Variants in RAP1GAP2 observed in about 807,000 individuals in gnomAD.
RAP1GAP2 encodes RAP1 GTPase activating protein 2.
A neutral mutation model predicts 95.0 loss-of-function variants in RAP1GAP2; 27 were observed. That is an observed-to-expected ratio of 0.28 (90% CI 0.21 to 0.39). The LOEUF is 0.39. RAP1GAP2 is among the 10% of genes least tolerant of loss of function. The pLI is 1.00. For synonymous variants in RAP1GAP2, 373 were observed against 380.9 expected (o/e 0.98, Z 0.24); for missense variants, 771 against 970.0 (o/e 0.79, Z 2.72).
At chr17:3,001,395 A>G (rs560104799) in intron 14 of RAP1GAP2, among the ~76,000 whole-genome samples, 9 of 125,400 alleles carry the variant, frequency 7.2e-5, no homozygotes, top group Admixed American at 7.1e-4. Flanking sequence ...AGGTAACAGA[A>G]TCAGCCTCAG....
In RAP1GAP2 at chr17:3,005,947, T is replaced by C. The variant is rs1175286553; in HGVS notation, c.1273-8T>C. ...TGACAGACCTGAGGTCCGTCTTGTCTCTTCCAGGGCCCGGAATTCAGGGAG... is the reference window on the plus strand; with the variant it reads ...TGACAGACCTGAGGTCCGTCTTGTCCCTTCCAGGGCCCGGAATTCAGGGAG... On this transcript the variant is annotated splice_region_variant and splice_polypyrimidine_tract_variant and intron_variant, in intron 15 of 24. Coordinates refer to ENST00000254695, the MANE Select transcript of RAP1GAP2 (RefSeq NM_015085.5). The surrounding 1 kb of genome is among the most constrained non-coding windows in gnomAD (Gnocchi z 5.2). The C allele has an allele frequency of 1.2e-6, 2 of 1,613,250 alleles. No individual in the cohort carries two copies.
At chr17:2,949,207 C>T (rs1375572640) in intron 3 of RAP1GAP2, among the ~76,000 whole-genome samples, 1 of 152,160 alleles carries the variant, frequency 6.6e-6, no homozygotes, top group Non-Finnish European at 1.5e-5. Context: ...TGCTGGCCGC[C>T]CCTCTGATTT....
chr17:2,948,069 G>A (rs1197682109), intron 3 of RAP1GAP2, among the ~76,000 whole-genome samples: 2 of 152,150 alleles, frequency 1.3e-5, no homozygotes, highest in Non-Finnish European at 2.9e-5. Flanking sequence ...CGGGAATAAC[G>A]AGGCGATTGC....
At position 2,870,119 on chromosome 17, in the gene RAP1GAP2, CTTT is replaced by C. The variant is rs1218487336; in HGVS notation, c.81-35152_81-35150del. On this transcript the variant is annotated intron_variant, in intron 2 of 24. Transcript: ENST00000254695. The surrounding 1 kb of genome is among the most constrained non-coding windows in gnomAD (Gnocchi z 4.4). Reference sequence around the variant, plus strand: ...GCACTCTGTGCTGCTGCTTGACAATCTTTTTTTTTTTTTTTGGAGATGGAGTCT... The same window carrying C: ...GCACTCTGTGCTGCTGCTTGACAATCTTTTTTTTTTTTGGAGATGGAGTCT... Among the ~76,000 whole-genome samples the C allele has an allele frequency of 2.1e-5, 3 of 141,210 alleles. No individual in the cohort carries two copies. The highest frequency in any genetic ancestry group is 2.2e-4 in the South Asian group (1 of 4,446). 92.6% of individuals were successfully genotyped at this position (141,210 alleles called of 152,430 possible). A position where few individuals can be genotyped will look rare whatever the true frequency, so the allele number is the denominator to read the frequency against.
At chr17:2,878,438 T>C (rs12942087) in intron 2 of RAP1GAP2, among the ~76,000 whole-genome samples, 99,610 of 151,788 alleles carry the variant, frequency 0.66, 33,107 homozygotes, top group African/African-American at 0.73. Context: ...GGAGAGGGCA[T>C]AGGGAGGGTG....
intron 1 of RAP1GAP2, among the ~76,000 whole-genome samples, chr17:2,790,920 G>T (rs538245162): frequency 7.0e-4 from 106 of 152,298 alleles, no homozygotes; most frequent in African/African-American, 2.4e-3. Context: ...TAGAGGCCGG[G>T]CGCTGCGAGC....
chr17:2,835,454 C>A (rs1462953193), intron 2 of RAP1GAP2, among the ~76,000 whole-genome samples: 1 of 152,084 alleles, frequency 6.6e-6, no homozygotes, highest in Non-Finnish European at 1.5e-5. Flanking sequence ...CTCCTGACCT[C>A]AGGTGATCCG....
At chr17:2,888,038 C>T (rs1158560872) in intron 2 of RAP1GAP2, among the ~76,000 whole-genome samples, 2 of 152,158 alleles carry the variant, frequency 1.3e-5, no homozygotes, top group African/African-American at 2.4e-5. Context: ...AATCAATCCC[C>T]AGGGAATAGC....
intron 2 of RAP1GAP2, among the ~76,000 whole-genome samples, chr17:2,846,546 G>A (rs902136287): frequency 8.6e-5 from 13 of 152,046 alleles, no homozygotes; most frequent in Non-Finnish European, 1.8e-4. Context: ...GAGTAGCTGG[G>A]ATTACAGGCA....
intron 3 of RAP1GAP2, among the ~76,000 whole-genome samples, chr17:2,953,585 G>A (rs976272474): frequency 2.0e-5 from 3 of 152,218 alleles, no homozygotes; most frequent in South Asian, 4.1e-4. Flanking sequence ...GATGGCTCAC[G>A]CTTGTCATCC....
rs2044442978 is a variant in RAP1GAP2, at chr17:2,963,569, T to C, written c.279+107T>C. On this transcript the variant is annotated intron_variant, in intron 6 of 24. Coordinates refer to ENST00000254695, the MANE Select transcript of RAP1GAP2 (RefSeq NM_015085.5). The surrounding 1 kb of genome is among the most constrained non-coding windows in gnomAD (Gnocchi z 4.8). ...GCCCAGCCCCCCAGGGGAGAGAACC[T>C]TGGGCCTGGGACCTCTCTTCCTGTC... 3 of 1,445,434 alleles carry C rather than the reference T, an allele frequency of 2.1e-6. No individual in the cohort carries two copies. The highest frequency in any genetic ancestry group is 2.8e-5 in the African/African-American group (2 of 71,514). The allele number at this position is 1,445,434 out of a possible 1,614,324, so 89.5% of individuals were successfully genotyped here.
intron 2 of RAP1GAP2, among the ~76,000 whole-genome samples, chr17:2,818,927 A>G (rs759012775): frequency 1.9e-4 from 29 of 152,148 alleles, no homozygotes; most frequent in Non-Finnish European, 3.5e-4. Context: ...ATACATGTCT[A>G]GTGCTTAGAA....
At chr17:3,015,267 A>C (rs112870124) in intron 17 of RAP1GAP2, among the ~76,000 whole-genome samples, 5,337 of 152,232 alleles carry the variant, frequency 0.035, 140 homozygotes, top group Non-Finnish European at 0.05. Context: ...ATGCCCGATC[A>C]AATCAGGGGT....
chr17:2,854,482 G>A (rs2072042809), intron 2 of RAP1GAP2, among the ~76,000 whole-genome samples: 1 of 152,216 alleles, frequency 6.6e-6, no homozygotes, highest in South Asian at 2.1e-4. Context: ...CCTGCAACTT[G>A]GCTGAGCCCT....
At chr17:2,821,729 G>A (rs1003211587) in intron 2 of RAP1GAP2, among the ~76,000 whole-genome samples, 3 of 152,046 alleles carry the variant, frequency 2.0e-5, no homozygotes, top group Non-Finnish European at 4.4e-5. Flanking sequence ...GCAGCTCCTC[G>A]GTTGCACTAG....
In RAP1GAP2 at chr17:2,825,854, T is replaced by A. The variant is rs1041671075; in HGVS notation, c.80+25304T>A. Among the ~76,000 whole-genome samples the A allele has an allele frequency of 9.9e-5, 15 of 151,940 alleles. No individual in the cohort carries two copies. The highest frequency in any genetic ancestry group is 3.4e-4 in the African/African-American group (14 of 41,378). ...TCTGCAAAGCATGAGGCAGTGCCAATAGAGATATTCTTCCTGGTGGAATGA... is the reference window on the plus strand; with the variant it reads ...TCTGCAAAGCATGAGGCAGTGCCAAAAGAGATATTCTTCCTGGTGGAATGA... On this transcript the variant is annotated intron_variant, in intron 2 of 24. Coordinates refer to ENST00000254695, the MANE Select transcript of RAP1GAP2 (RefSeq NM_015085.5). This position sits in a 1 kb window ranked among gnomAD's most constrained non-coding sequence, Gnocchi z 4.1.
chr17:2,987,941 A>G (rs896321963), intron 11 of RAP1GAP2, among the ~76,000 whole-genome samples: 2 of 152,218 alleles, frequency 1.3e-5, no homozygotes, highest in African/African-American at 4.8e-5. Flanking sequence ...GCATGTTTGC[A>G]GAGCCTTCAG....
rs747743511 is a variant in RAP1GAP2 at position 3,020,586 on chromosome 17, G to A, written c.1742G>A (p.Arg581Gln). ...HTGSEGQGDS[R>Q]ARCDSTSSTP... The stretch of plus-strand genomic sequence containing the variant: ...GGCTCAGAAGGCCAGGGCGACAGCC[G>A]GGCACGATGGTAACTGTTGGGAAAC... The change falls in exon 19 of 25, where the codon CGG (arginine) becomes CAG (glutamine). Residue 581 changes from arginine to glutamine, a missense_variant. Physicochemically the swap from Arg to Gln is conservative, Grantham distance 43 (BLOSUM62 1). Transcript: ENST00000254695. The A allele has an allele frequency of 1.1e-5, 17 of 1,613,194 alleles. No homozygotes were observed. In the Admixed American group the frequency reaches 1.7e-4, roughly 16 times the overall value.
Position 2,871,823 on chromosome 17 carries a change from G to A in RAP1GAP2, c.81-33461G>A, listed in dbSNP as rs530490623. 3.4e-4 allele frequency among the ~76,000 whole-genome samples: 52 copies of A among 151,660 alleles called. No homozygotes were observed. The highest frequency in any genetic ancestry group is 6.5e-4 in the Admixed American group (10 of 15,284). On this transcript the variant is annotated intron_variant, in intron 2 of 24. Transcript: ENST00000254695. The surrounding 1 kb of genome is among the most constrained non-coding windows in gnomAD (Gnocchi z 5.0). ...ATGACGTAGAATGAGGTCATTCACG[G>A]CAATATTATTTGAAATAGCAAAACA...
Sources: gnomAD v4.1 joint callset for allele counts (sites outside exome capture counted in the v4.1 genomes callset) on GRCh38, gnomAD v4.1.1 for gene constraint, Gnocchi (gnomAD v3.1) non-coding constraint, MANE v1.5 for transcripts, NCBI Gene and HGNC (gene_info 2026-07-23, HGNC 2026-07-21) for gene names.